Variants in DENND1A observed in about 807,000 individuals in gnomAD.
DENND1A encodes the protein DENN domain-containing protein 1A.
Under a neutral mutation model 113.7 loss-of-function variants are expected in DENND1A, and 51 were observed. The ratio of observed to expected loss-of-function variants is 0.45; its 90% CI spans 0.36 to 0.57. The LOEUF (loss-of-function observed/expected upper bound fraction) is 0.57, where lower values mean the gene tolerates loss of function less well. Among genes scored for constraint, DENND1A ranks in the 20% least tolerant of loss-of-function variants. The pLI, the probability that DENND1A is intolerant of heterozygous loss-of-function variation, is 0.00. For missense variants in DENND1A, 1,258 were observed against 1,395.9 expected (o/e 0.90, Z 1.57); for synonymous variants, 565 against 570.8 (o/e 0.99, Z 0.14).
At chr9:123,879,304 G>T (rs916738559) in intron 1 of DENND1A, among the ~76,000 whole-genome samples, 1 of 152,140 alleles carries the variant, frequency 6.6e-6, no homozygotes, top group East Asian at 1.9e-4. Flanking sequence ...AGGCCAAGGT[G>T]GGAGGATCAC....
chr9:123,555,360 G>A (rs7037102), intron 13 of DENND1A, among the ~76,000 whole-genome samples: 3,150 of 152,184 alleles, frequency 0.021, 68 homozygotes, highest in East Asian at 0.062. Context: ...CTCTCTTAGC[G>A]TAGCATCCAA....
intron 5 of DENND1A, among the ~76,000 whole-genome samples, chr9:123,684,941 C>A (rs2064714802): frequency 6.6e-6 from 1 of 152,118 alleles, no homozygotes; most frequent in African/African-American, 2.4e-5. Flanking sequence ...AAAGGGAACA[C>A]AGAAGAGATT....
chr9:123,438,299 C>A (rs763093773), intron 19 of DENND1A, among the ~76,000 whole-genome samples: 7 of 152,276 alleles, frequency 4.6e-5, no homozygotes, highest in South Asian at 4.2e-4. Context: ...GCTCAAGCCC[C>A]CCTCCCTCTG....
chr9:123,420,236 ACT>A (rs1187848050), intron 19 of DENND1A, among the ~76,000 whole-genome samples: 2 of 152,108 alleles, frequency 1.3e-5, no homozygotes, highest in African/African-American at 2.4e-5. Flanking sequence ...GGTCCTGGCG[ACT>A]CTGAGACAGA....
At chr9:123,562,338 T>G (rs1323185702) in intron 12 of DENND1A, among the ~76,000 whole-genome samples, 1 of 152,212 alleles carries the variant, frequency 6.6e-6, no homozygotes, top group South Asian at 2.1e-4. Flanking sequence ...CTTGTGAACA[T>G]CTATTCAGCC....
chr9:123,663,173 G>C (rs1302517856), intron 8 of DENND1A, among the ~76,000 whole-genome samples: 1 of 151,996 alleles, frequency 6.6e-6, no homozygotes, highest in Non-Finnish European at 1.5e-5. Flanking sequence ...GGAAGAAGTA[G>C]GTAGATATGA....
chr9:123,512,466 G>T (rs1456380079), intron 13 of DENND1A, among the ~76,000 whole-genome samples: 1 of 152,204 alleles, frequency 6.6e-6, no homozygotes, highest in African/African-American at 2.4e-5. Flanking sequence ...AGCATCCTGG[G>T]ACTTGGACTT....
intron 5 of DENND1A, among the ~76,000 whole-genome samples, chr9:123,750,976 C>T (rs909443504): frequency 1.3e-5 from 2 of 152,204 alleles, no homozygotes; most frequent in African/African-American, 2.4e-5. Flanking sequence ...CACAGCCTTC[C>T]TCCCCGACTC....
At chr9:123,690,008 G>A (rs1034336803) in intron 5 of DENND1A, among the ~76,000 whole-genome samples, 1 of 143,906 alleles carries the variant, frequency 6.9e-6, no homozygotes, top group Admixed American at 7.3e-5. Flanking sequence ...AAGGGAAAGG[G>A]AAAGGAGGGA....
intron 11 of DENND1A, among the ~76,000 whole-genome samples, chr9:123,609,223 A>C (rs2060301327): frequency 6.6e-6 from 1 of 152,218 alleles, no homozygotes; most frequent in South Asian, 2.1e-4. Context: ...AACCCATGAA[A>C]ATCCACAGTC....
chr9:123,636,138 T>C (rs936630644), intron 9 of DENND1A, among the ~76,000 whole-genome samples: 45 of 152,172 alleles, frequency 3.0e-4, no homozygotes, highest in African/African-American at 1.0e-3. Context: ...CTGGAATTCA[T>C]GAGCTATGTA....
intron 3 of DENND1A, among the ~76,000 whole-genome samples, chr9:123,780,013 C>T (rs1184048653): frequency 6.6e-6 from 1 of 152,016 alleles, no homozygotes; most frequent in Non-Finnish European, 1.5e-5. Context: ...CCCCACCACG[C>T]CAGCTAATTT....
chr9:123,488,604 C>G (rs183946364), intron 13 of DENND1A, among the ~76,000 whole-genome samples: 1 of 152,322 alleles, frequency 6.6e-6, no homozygotes, highest in East Asian at 1.9e-4. Flanking sequence ...GTAAGAGACC[C>G]TCTGTGAGGT....
chr9:123,421,127 C>G (rs546965178), intron 19 of DENND1A, among the ~76,000 whole-genome samples: 3 of 147,098 alleles, frequency 2.0e-5, no homozygotes, highest in African/African-American at 2.5e-5. Context: ...GAGGGGGACA[C>G]GAGGTGAGGT....
At chr9:123,865,578 T>C (rs533440745) in intron 2 of DENND1A, among the ~76,000 whole-genome samples, 7 of 152,366 alleles carry the variant, frequency 4.6e-5, no homozygotes, top group African/African-American at 1.7e-4. Flanking sequence ...GATCCTCAAT[T>C]TCCAGTTTGA....
intron 21 of DENND1A, chr9:123,401,527 C>G: frequency 7.6e-7 from 1 of 1,315,738 alleles, no homozygotes; most frequent in Non-Finnish European, 9.7e-7. Context: ...CTGTGACGTA[C>G]GCTCACAGAA....
At chr9:123,678,857 G>A (rs983173307) in intron 5 of DENND1A, among the ~76,000 whole-genome samples, 3 of 152,326 alleles carry the variant, frequency 2.0e-5, no homozygotes, top group African/African-American at 7.2e-5. Flanking sequence ...CTTTGGCAGA[G>A]TAATGTAAAC....
intron 13 of DENND1A, among the ~76,000 whole-genome samples, chr9:123,497,542 C>T (rs541416410): frequency 2.0e-5 from 3 of 152,104 alleles, no homozygotes; most frequent in Admixed American, 6.5e-5. Flanking sequence ...ACGCTGGTAT[C>T]GAACTCCTGG....
chr9:123,751,107 T>C (rs2069988129), intron 5 of DENND1A: 1 of 152,266 alleles, frequency 6.6e-6, no homozygotes, highest in African/African-American at 2.4e-5. Flanking sequence ...CTGAACTGTA[T>C]GTGTTGTTTA....
Sources: allele counts gnomAD v4.1 joint callset (sites outside exome capture counted in the v4.1 genomes callset), GRCh38; gene constraint gnomAD v4.1.1; transcripts MANE v1.5; gene names NCBI Gene and HGNC (gene_info 2026-07-23, HGNC 2026-07-21).